MRPS28: variants seen among roughly 807,000 people sequenced by gnomAD.
MRPS28 encodes the protein small ribosomal subunit protein bS1m.
In MRPS28, 7 loss-of-function variants were observed where a neutral mutation model predicts 10.8. The observed-to-expected ratio is 0.65, with a 90% CI of 0.37 to 1.22. The LOEUF is 1.22. MRPS28 is among the 50% of genes most tolerant of loss of function. The probability of loss-of-function intolerance (pLI) is 0.02; values close to 1 mark genes in which losing one functional copy is unlikely to be tolerated. For missense variants in MRPS28, 265 were observed against 232.9 expected, an observed-to-expected ratio of 1.14 and a Z score of -0.90; for synonymous variants, 121 against 93.3, an observed-to-expected ratio of 1.30 and a Z score of -1.71.
chr8:80,001,280 A>G (rs1394170479), intron 2 of MRPS28, among the ~76,000 whole-genome samples: 1 of 152,238 alleles, frequency 6.6e-6, no homozygotes. Context: ...ACTTTATTTT[A>G]TAATTACTAT....
intron 2 of MRPS28, among the ~76,000 whole-genome samples, chr8:79,945,103 A>G (rs1254968690): frequency 6.6e-6 from 1 of 152,184 alleles, no homozygotes; most frequent in Non-Finnish European, 1.5e-5. Flanking sequence ...GGAACATATG[A>G]CTTTACATGC....
intron 2 of MRPS28, among the ~76,000 whole-genome samples, chr8:79,966,937 C>A (rs938721291): frequency 1.3e-5 from 2 of 152,066 alleles, no homozygotes; most frequent in Admixed American, 1.3e-4. Flanking sequence ...AATTTTCCAT[C>A]CTAAAAGTAT....
intron 2 of MRPS28, among the ~76,000 whole-genome samples, chr8:79,961,314 A>C (rs1474062023): frequency 1.3e-5 from 2 of 152,146 alleles, no homozygotes; most frequent in East Asian, 3.8e-4. Context: ...TACACAATAC[A>C]TAATTAAGTA....
chr8:80,018,704 T>C (rs76745976), intron 1 of MRPS28, among the ~76,000 whole-genome samples: 3,511 of 152,326 alleles, frequency 0.023, 93 homozygotes, highest in African/African-American at 0.06. Flanking sequence ...ATGTTTGCTG[T>C]AGCTCTGTTC....
intron 1 of MRPS28, among the ~76,000 whole-genome samples, chr8:80,019,884 G>T (rs1434852810): frequency 1.3e-5 from 2 of 152,152 alleles, no homozygotes; most frequent in Non-Finnish European, 2.9e-5. Flanking sequence ...AATCAATTTG[G>T]AAAGTTTATT....
Position 79,919,173 on chromosome 8 carries a change from C to G in MRPS28, c.396-25G>C, listed in dbSNP as rs371464478. The G allele has an allele frequency of 1.0e-5, 15 of 1,467,134 alleles. No homozygotes were observed. The African/African-American group carries it at 2.1e-4, about 21-fold the overall frequency. 90.9% of individuals were successfully genotyped at this position (1,467,134 alleles called of 1,614,324 possible). ...CCTAAATAGTTAAAAAAAAAAAAAT[C>G]CATTAATTCTGAATATCATAACATG... On this transcript the variant is annotated intron_variant, in intron 2 of 2. Transcript: ENST00000276585.
intron 1 of MRPS28, among the ~76,000 whole-genome samples, chr8:80,013,201 G>C (rs2130202106): frequency 6.6e-6 from 1 of 152,072 alleles, no homozygotes; most frequent in East Asian, 1.9e-4. Context: ...TAAATTAAAG[G>C]ATTGGATAAC....
intron 1 of MRPS28, among the ~76,000 whole-genome samples, chr8:80,021,968 G>T (rs79539510): frequency 6.6e-6 from 1 of 152,086 alleles, no homozygotes; most frequent in Non-Finnish European, 1.5e-5. Context: ...AGTTATACAC[G>T]TAATCATCAA....
intron 2 of MRPS28, among the ~76,000 whole-genome samples, chr8:80,000,475 T>C (rs1484442660): frequency 1.3e-5 from 2 of 152,036 alleles, no homozygotes; most frequent in Non-Finnish European, 2.9e-5. Context: ...AGCCACCCCG[T>C]CTCCCCTCAA....
intron 1 of MRPS28, chr8:80,028,664 C>CGGGGGGGGGGG (rs1278468176): frequency 2.8e-3 from 20 of 7,068 alleles, no homozygotes; most frequent in Admixed American, 8.5e-3. Flanking sequence ...GGGGCGGGGC[C>CGGGGGGGGGGG]GGGCGGGGTC....
intron 2 of MRPS28, among the ~76,000 whole-genome samples, chr8:79,993,682 CTAG>C (rs1172824725): frequency 1.3e-5 from 2 of 152,138 alleles, no homozygotes; most frequent in Non-Finnish European, 2.9e-5. Flanking sequence ...TAAAGAAAAA[CTAG>C]TAGAATGATT....
intron 2 of MRPS28, among the ~76,000 whole-genome samples, chr8:80,002,656 AT>A (rs1808690365): frequency 6.6e-6 from 1 of 152,232 alleles, no homozygotes; most frequent in Non-Finnish European, 1.5e-5. Context: ...GAAAGAGACT[AT>A]GGAACAGAGA....
intron 2 of MRPS28, among the ~76,000 whole-genome samples, chr8:79,950,020 AG>A (rs1479118725): frequency 2.0e-5 from 3 of 152,184 alleles, no homozygotes; most frequent in Non-Finnish European, 4.4e-5. Context: ...GGTCATATTC[AG>A]AAAAAGTAAA....
chr8:80,004,508 A>G (rs1808768875), intron 1 of MRPS28, among the ~76,000 whole-genome samples: 1 of 152,212 alleles, frequency 6.6e-6, no homozygotes, highest in African/African-American at 2.4e-5. Flanking sequence ...TCAAAGACCA[A>G]AGGTAGATAA....
intron 2 of MRPS28, among the ~76,000 whole-genome samples, chr8:79,976,891 T>C (rs914014383): frequency 1.3e-5 from 2 of 152,056 alleles, no homozygotes; most frequent in African/African-American, 2.4e-5. Context: ...CTGAAAAATA[T>C]TAATAACCTT....
At chr8:79,944,233 TG>T (rs1473784996) in intron 2 of MRPS28, among the ~76,000 whole-genome samples, 1 of 152,232 alleles carries the variant, frequency 6.6e-6, no homozygotes, top group Admixed American at 6.5e-5. Flanking sequence ...TCCTTATGGA[TG>T]ATGCCTTCCT....
chr8:79,924,530 A>C (rs1252837491), intron 2 of MRPS28, among the ~76,000 whole-genome samples: 1 of 152,192 alleles, frequency 6.6e-6, no homozygotes, highest in Non-Finnish European at 1.5e-5. Context: ...GCAGAGGGTC[A>C]GAAAAGACCT....
At chr8:80,021,669 C>CA (rs1182827802) in intron 1 of MRPS28, among the ~76,000 whole-genome samples, 1 of 152,086 alleles carries the variant, frequency 6.6e-6, no homozygotes, top group Non-Finnish European at 1.5e-5. Context: ...CTTCTAACAA[C>CA]AAAAAATTAC....
chr8:79,952,747 T>C (rs565150254), intron 2 of MRPS28, among the ~76,000 whole-genome samples: 13 of 152,300 alleles, frequency 8.5e-5, no homozygotes, highest in African/African-American at 3.1e-4. Context: ...TGACTGGGCC[T>C]CTCTTGAGAG....
Sources: allele counts gnomAD v4.1 joint callset (sites outside exome capture counted in the v4.1 genomes callset), GRCh38; gene constraint gnomAD v4.1.1; transcripts MANE v1.5; gene names NCBI Gene and HGNC (gene_info 2026-07-23, HGNC 2026-07-21).